The following DAB1 variants were observed in gnomAD, a reference collection of about 807,000 sequenced individuals.
DAB1 encodes disabled homolog 1.
DAB1 carries 15 observed loss-of-function variants against 64.6 expected under a neutral mutation model. That is an observed-to-expected ratio of 0.23 (90% confidence interval 0.16 to 0.36). The LOEUF (loss-of-function observed/expected upper bound fraction) is 0.36, where lower values mean the gene tolerates loss of function less well. DAB1 is among the 10% of genes least tolerant of loss of function. The pLI is 1.00. For synonymous variants in DAB1, 235 were observed against 251.9 expected (o/e 0.93, Z 0.64); for missense variants, 596 against 706.7 (o/e 0.84, Z 1.78).
chr1:57,664,891 T>A (rs192108214), intron 6 of DAB1, among the ~76,000 whole-genome samples: 1 of 152,142 alleles, frequency 6.6e-6, no homozygotes, highest in Non-Finnish European at 1.5e-5. Flanking sequence ...AAGAAAAAGA[T>A]GAAAGAAAAT....
At chr1:57,561,612 G>T (rs547711292) in intron 7 of DAB1, among the ~76,000 whole-genome samples, 1 of 152,180 alleles carries the variant, frequency 6.6e-6, no homozygotes, top group African/African-American at 2.4e-5. Context: ...ATAATCAAGT[G>T]GATAGGATGA....
chr1:58,405,531 A>G (rs902374507), intron 3 of DAB1, among the ~76,000 whole-genome samples: 3 of 151,922 alleles, frequency 2.0e-5, no homozygotes, highest in African/African-American at 7.3e-5. Flanking sequence ...ACACCCAGCT[A>G]ATTTTTATAT....
chr1:58,490,784 T>G (rs567186799), intron 3 of DAB1, among the ~76,000 whole-genome samples: 11 of 135,170 alleles, frequency 8.1e-5, no homozygotes, highest in Non-Finnish European at 1.3e-4. Context: ...TGGGGGCCAA[T>G]AGTCAACATT....
At chr1:57,388,257 C>G (rs1047269770) in intron 1 of DAB1, among the ~76,000 whole-genome samples, 4 of 152,182 alleles carry the variant, frequency 2.6e-5, no homozygotes, top group African/African-American at 9.7e-5. Flanking sequence ...TGTGAAACAA[C>G]AATCCTGTCC....
intron 3 of DAB1, among the ~76,000 whole-genome samples, chr1:58,430,970 T>G (rs1644864495): frequency 6.6e-6 from 1 of 152,214 alleles, no homozygotes; most frequent in South Asian, 2.1e-4. Context: ...CATTCCCGGC[T>G]TTAACATTCT....
At chr1:58,527,280 C>A (rs1381505242) in exon 2 of DAB1, 1 of 872,288 alleles carries the variant, frequency 1.1e-6, no homozygotes, top group Admixed American at 1.7e-5. Context: ...AAGCAGTAGT[C>A]CAATTTTGTC....
chr1:58,409,004 G>A (rs1263290074), intron 3 of DAB1, among the ~76,000 whole-genome samples: 1 of 151,418 alleles, frequency 6.6e-6, no homozygotes, highest in Non-Finnish European at 1.5e-5. Flanking sequence ...TTAAGTCAAA[G>A]GTAAGACTCA....
At chr1:58,379,281 A>G (rs1378015539) in intron 3 of DAB1, among the ~76,000 whole-genome samples, 1 of 152,252 alleles carries the variant, frequency 6.6e-6, no homozygotes, top group African/African-American at 2.4e-5. Context: ...CATGGAATGT[A>G]ATAAACACTT....
intron 8 of DAB1, among the ~76,000 whole-genome samples, chr1:57,065,335 G>A (rs540478565): frequency 6.6e-6 from 1 of 152,098 alleles, no homozygotes; most frequent in Non-Finnish European, 1.5e-5. Flanking sequence ...TGCATCACGC[G>A]TTCCCTGGGA....
intron 2 of DAB1, among the ~76,000 whole-genome samples, chr1:58,506,567 A>G (rs1645993856): frequency 6.6e-6 from 1 of 152,200 alleles, no homozygotes; most frequent in South Asian, 2.1e-4. Flanking sequence ...CTTCCCATAT[A>G]CAACATTCAC....
chr1:57,520,487 C>A (rs147760290), intron 7 of DAB1, among the ~76,000 whole-genome samples: 1 of 151,786 alleles, frequency 6.6e-6, no homozygotes, highest in East Asian at 1.9e-4. Flanking sequence ...ATATATTGTT[C>A]TTTAGTTTTA....
At chr1:57,359,851 A>G (rs1679406724) in intron 1 of DAB1, among the ~76,000 whole-genome samples, 1 of 152,044 alleles carries the variant, frequency 6.6e-6, no homozygotes, top group Non-Finnish European at 1.5e-5. Context: ...GACAAATATT[A>G]TATCCCCTCA....
At chr1:58,009,096 A>C (rs1412841568) in intron 5 of DAB1, among the ~76,000 whole-genome samples, 2 of 152,300 alleles carry the variant, frequency 1.3e-5, no homozygotes, top group Middle Eastern at 3.4e-3. Context: ...AGCTAGGCCC[A>C]AAAATTTACA....
intron 14 of DAB1, among the ~76,000 whole-genome samples, chr1:57,007,414 C>G (rs562142776): frequency 6.6e-6 from 1 of 152,190 alleles, no homozygotes. Flanking sequence ...AAATTACCTG[C>G]CATTCCCATA....
intron 1 of DAB1, among the ~76,000 whole-genome samples, chr1:57,322,187 C>T: frequency 6.6e-6 from 1 of 152,178 alleles, no homozygotes; most frequent in East Asian, 1.9e-4. Flanking sequence ...TACCTCCCTC[C>T]CATGACGTGA....
chr1:57,394,961 A>G (rs930742221), intron 1 of DAB1, among the ~76,000 whole-genome samples: 1 of 152,230 alleles, frequency 6.6e-6, no homozygotes, highest in African/African-American at 2.4e-5. Flanking sequence ...GGATATCATC[A>G]TTAAAAATTG....
At chr1:58,203,637 A>G in intron 4 of DAB1, among the ~76,000 whole-genome samples, 1 of 152,206 alleles carries the variant, frequency 6.6e-6, no homozygotes, top group East Asian at 1.9e-4. Flanking sequence ...TTTAGTAGAC[A>G]TGAATGGGTG....
intron 1 of DAB1, among the ~76,000 whole-genome samples, chr1:57,360,995 C>A (rs1679502350): frequency 6.6e-6 from 1 of 152,046 alleles, no homozygotes; most frequent in South Asian, 2.1e-4. Flanking sequence ...CCAGAAATGT[C>A]CAGTCTAGTT....
chr1:57,837,382 G>A (rs1433445982), intron 1 of DAB1, among the ~76,000 whole-genome samples: 1 of 151,974 alleles, frequency 6.6e-6, no homozygotes, highest in Non-Finnish European at 1.5e-5. Context: ...CATTCTACTT[G>A]ACTTCTCCCA....
Sources: gnomAD v4.1 joint callset for allele counts (sites outside exome capture counted in the v4.1 genomes callset) on GRCh38, gnomAD v4.1.1 for gene constraint, MANE v1.5 for transcripts, NCBI Gene and HGNC (gene_info 2026-07-23, HGNC 2026-07-21) for gene names.